AKR1B10: variants seen among roughly 807,000 people sequenced by gnomAD.
AKR1B10 encodes the protein ARP.
Under a neutral mutation model 38.9 loss-of-function variants are expected in AKR1B10, and 39 were observed. The ratio of observed to expected loss-of-function variants is 1.00; its 90% CI spans 0.78 to 1.31. The LOEUF is 1.31. Ranked by LOEUF, AKR1B10 falls within the 50% of genes most tolerant of loss-of-function variation. The pLI is 0.00. For synonymous variants in AKR1B10, 148 were observed against 141.2 expected, an observed-to-expected ratio of 1.05 and a Z score of -0.34; for missense variants, 361 against 382.6, an observed-to-expected ratio of 0.94 and a Z score of 0.47.
rs529875576 is a variant in AKR1B10 at position 134,540,653 on chromosome 7, G to T, written c.909-394G>T. On this transcript the variant is annotated intron_variant, in intron 9 of 9. Coordinates refer to ENST00000359579, the MANE Select transcript of AKR1B10 (RefSeq NM_020299.5). ...TGAACCTTAGCTTAGAATGTGCCAG[G>T]GTCCTGCGCCCTTTTCCGGTGGTAT... 2.0e-5 allele frequency among the ~76,000 whole-genome samples: 3 copies of T among 152,192 alleles called. No homozygotes were observed. In the South Asian group the frequency reaches 6.2e-4, roughly 32 times the overall value.
At chr7:134,534,626 A>G (rs2117545716) in intron 4 of AKR1B10, among the ~76,000 whole-genome samples, 1 of 152,340 alleles carries the variant, frequency 6.6e-6, no homozygotes, top group African/African-American at 2.4e-5. Flanking sequence ...AGGCTTGAAT[A>G]TGTAAGCGTT....
In AKR1B10 at chr7:134,532,039, C is replaced by G. The variant is rs747618966; in HGVS notation, c.351+15C>G. On this transcript the variant is annotated intron_variant, in intron 3 of 9. Transcript: ENST00000359579. ...AGGGATTCAAGGTTTAAGACACTCT[C>G]TTTCTCAGCCTCTAGTTTCTGAGCA... is the stretch of plus-strand genomic sequence containing the variant. The G allele has an allele frequency of 1.2e-6, 2 of 1,613,612 alleles. No homozygotes were observed. Among genetic ancestry groups the G allele is most frequent in the Non-Finnish European group, 1.7e-6 (2 of 1,179,734 alleles).
At chr7:134,538,417 G>T in intron 8 of AKR1B10, 140 bp downstream of exon 8, 3 of 869,412 alleles carry the variant, frequency 3.5e-6, no homozygotes, top group Non-Finnish European at 5.5e-6. Flanking sequence ...CCAGCCCAGG[G>T]AGCTAGGGTC....
chr7:134,530,766 C>T lies in AKR1B10; in HGVS notation c.190C>T (p.Gln64Ter). The T allele has an allele frequency of 6.2e-7, 1 of 1,613,822 alleles. No individual in the cohort carries two copies. The highest frequency in any genetic ancestry group is 8.5e-7 in the Non-Finnish European group (1 of 1,179,860). ...EVGEAIQEKIQEKAVKREDLF... is the reference protein window; with the variant it reads ...EVGEAIQEKI Reference sequence around the variant, plus strand: ...GGGGGAAGCCATCCAAGAGAAGATCCAAGAGAAGGCTGTGAAGCGGGAGGA... The same window carrying T: ...GGGGGAAGCCATCCAAGAGAAGATCTAAGAGAAGGCTGTGAAGCGGGAGGA... Residue 64 changes from glutamine to a stop codon, truncating the protein, a stop_gained, in exon 2 of 10, where the codon CAA becomes TAA. Coordinates refer to ENST00000359579, the MANE Select transcript of AKR1B10 (RefSeq NM_020299.5). LOFTEE classifies it high-confidence loss of function.
intron 9 of AKR1B10, 71 bp from the exon 10 acceptor site, chr7:134,540,976 C>T (rs972389074): frequency 5.3e-6 from 6 of 1,122,944 alleles, no homozygotes; most frequent in Non-Finnish European, 8.0e-6. Context: ...GGGAAGAATA[C>T]CTTCTCAACC....
At chr7:134,529,903 C>CT (rs1194526455) in intron 1 of AKR1B10, among the ~76,000 whole-genome samples, 3 of 151,636 alleles carry the variant, frequency 2.0e-5, no homozygotes, top group Non-Finnish European at 4.4e-5. Flanking sequence ...TTCTATTTCT[C>CT]TTTTTTTTCT....
At chr7:134,531,798 A>G in intron 2 of AKR1B10, 110 bp from the exon 3 acceptor site, 2 of 1,233,894 alleles carry the variant, frequency 1.6e-6, no homozygotes, top group Non-Finnish European at 2.4e-6. Context: ...TTTGTTACAA[A>G]TGGCTTGTGG....
intron 4 of AKR1B10, among the ~76,000 whole-genome samples, chr7:134,534,930 G>C (rs1436529646): frequency 6.6e-6 from 1 of 152,124 alleles, no homozygotes; most frequent in Admixed American, 6.6e-5. Context: ...CCAACGTCTA[G>C]GCTACAACTC....
intron 3 of AKR1B10, among the ~76,000 whole-genome samples, chr7:134,532,466 G>A (rs965345747): frequency 1.1e-4 from 16 of 152,126 alleles, no homozygotes; most frequent in Non-Finnish European, 1.9e-4. Context: ...GATGCTGGAA[G>A]GAAGCCAGTA....
chr7:134,530,200 T>C (rs73724970), intron 1 of AKR1B10, among the ~76,000 whole-genome samples: 2,894 of 152,172 alleles, frequency 0.019, 106 homozygotes, highest in African/African-American at 0.066. Context: ...TTATTTAGAG[T>C]CAAGCTTTCA....
chr7:134,541,274 T>C lies in AKR1B10; in HGVS notation c.*185T>C, dbSNP rs2117559721. 3.7e-6 allele frequency: 2 copies of C among 534,238 alleles called. No individual in the cohort carries two copies. The highest frequency in any genetic ancestry group is 3.3e-6 in the Non-Finnish European group (1 of 307,202). The allele number at this position is 534,238 out of a possible 1,614,324, so 33.1% of individuals were successfully genotyped here. A position where few individuals can be genotyped will look rare whatever the true frequency, so the allele number is the denominator to read the frequency against. On this transcript the variant is annotated 3_prime_UTR_variant, in exon 10 of 10. Transcript: ENST00000359579. ...TGTATGTTCAACTAGGATCAGAATA[T>C]CACAGAAAAGCATGGCTTGAATAAG...
At chr7:134,531,617 T>C (rs1049528709) in intron 2 of AKR1B10, among the ~76,000 whole-genome samples, 14 of 152,192 alleles carry the variant, frequency 9.2e-5, no homozygotes, top group African/African-American at 2.7e-4. Context: ...AGGAAGAGAC[T>C]GAGACAGGTA....
At chr7:134,531,364 G>GA (rs1256310679) in intron 2 of AKR1B10, among the ~76,000 whole-genome samples, 2 of 151,956 alleles carry the variant, frequency 1.3e-5, no homozygotes, top group African/African-American at 2.4e-5. Context: ...ATAACTTGCT[G>GA]AAAAAAAATA....
chr7:134,540,098 G>A (rs1310552438), intron 9 of AKR1B10, among the ~76,000 whole-genome samples: 1 of 152,032 alleles, frequency 6.6e-6, no homozygotes, highest in Non-Finnish European at 1.5e-5. Flanking sequence ...GGCACCTGTA[G>A]TCCCAGCTAA....
chr7:134,540,881 T>A (rs553412613), intron 9 of AKR1B10, among the ~76,000 whole-genome samples, 166 bp from the exon 10 acceptor site: 1 of 152,290 alleles, frequency 6.6e-6, no homozygotes, highest in Admixed American at 6.5e-5. Context: ...TCATATCGAT[T>A]TGAGGGAAGG....
At chr7:134,535,550 G>A (rs1807970998) in intron 4 of AKR1B10, 1 of 938,344 alleles carries the variant, frequency 1.1e-6, no homozygotes, top group South Asian at 5.0e-5. Context: ...CTGCCTTCCT[G>A]TGTCATATGC....
Position 134,538,186 on chromosome 7 carries a change from C to A in AKR1B10, c.742-8C>A, listed in dbSNP as rs1293838268. ...TGAGTGGAAGCCTGATGTCCCCTTTCCGCATAGGTTCTGATCCGTTTCCAT... is the reference window on the plus strand; with the variant it reads ...TGAGTGGAAGCCTGATGTCCCCTTTACGCATAGGTTCTGATCCGTTTCCAT... On this transcript the variant is annotated splice_region_variant and splice_polypyrimidine_tract_variant and intron_variant, in intron 7 of 9. Coordinates refer to ENST00000359579, the MANE Select transcript of AKR1B10 (RefSeq NM_020299.5). 1 of 1,613,664 alleles carries A rather than the reference C, an allele frequency of 6.2e-7. No individual in the cohort carries two copies. The highest frequency in any genetic ancestry group is 2.2e-5 in the East Asian group (1 of 44,876).
At chr7:134,528,814 T>C (rs934320951) in intron 1 of AKR1B10, among the ~76,000 whole-genome samples, 11 of 152,190 alleles carry the variant, frequency 7.2e-5, no homozygotes, top group Admixed American at 6.5e-4. Context: ...GGCTACCTAA[T>C]GGGCATCTGC....
In AKR1B10 at chr7:134,537,120, A is replaced by C; in HGVS notation, c.622A>C (p.Thr208Pro). The change falls in exon 6 of 10, where the codon ACG becomes CCG. Residue 208 changes from threonine (T) to proline (P), a missense_variant. By Grantham distance (38) the Thr-to-Pro change is conservative. Coordinates refer to ENST00000359579, the MANE Select transcript of AKR1B10 (RefSeq NM_020299.5). ...QYCHSKGITVTAYSPLGSPDR... is the reference protein window; with the variant it reads ...QYCHSKGITVPAYSPLGSPDR... ...CTGCCACTCCAAGGGCATCACCGTT[A>C]CGGCCTACAGCCCCCTGGGCTCTCC... 1 of 1,597,564 alleles carries C rather than the reference A, an allele frequency of 6.3e-7. No homozygotes were observed. Among genetic ancestry groups the C allele is most frequent in the South Asian group, 1.1e-5 (1 of 88,448 alleles).
Sources: gnomAD v4.1 joint callset for allele counts (sites outside exome capture counted in the v4.1 genomes callset) on GRCh38, gnomAD v4.1.1 for gene constraint, MANE v1.5 for transcripts, NCBI Gene and HGNC (gene_info 2026-07-23, HGNC 2026-07-21) for gene names.